The following STX3 variants were observed in gnomAD, a reference collection of about 807,000 sequenced individuals.
STX3 encodes the protein syntaxin-3.
In STX3, 19 loss-of-function variants were observed where a neutral mutation model predicts 40.2. The ratio of observed to expected loss-of-function variants is 0.47; its 90% CI spans 0.33 to 0.69. STX3 has a LOEUF of 0.69. Among genes scored for constraint, STX3 ranks in the 30% least tolerant of loss-of-function variants. The pLI, the probability that STX3 is intolerant of heterozygous loss-of-function variation, is 0.02. For synonymous variants in STX3, 122 were observed against 132.2 expected (o/e 0.92, Z 0.53); for missense variants, 364 against 366.7 (o/e 0.99, Z 0.06).
At chr11:59,793,287 G>A in intron 7 of STX3, 93 bp from the exon 8 acceptor site, 1 of 1,606,678 alleles carries the variant, frequency 6.2e-7, no homozygotes, top group South Asian at 1.1e-5. Flanking sequence ...AGTTCAGGGA[G>A]GCAAGGAGCT....
At chr11:59,757,521 G>C (rs761149675) in intron 1 of STX3, among the ~76,000 whole-genome samples, 2 of 152,060 alleles carry the variant, frequency 1.3e-5, no homozygotes, top group Non-Finnish European at 2.9e-5. Context: ...GCCTCTCCTC[G>C]GTGCCTCATG....
intron 9 of STX3, chr11:59,795,717 G>T (rs1373909036): frequency 6.5e-7 from 1 of 1,535,708 alleles, no homozygotes; most frequent in Admixed American, 2.0e-5. Context: ...CGGAGGGTGA[G>T]CACCTTCATC....
chr11:59,785,950 G>A (rs564741536), intron 2 of STX3, among the ~76,000 whole-genome samples: 40 of 152,266 alleles, frequency 2.6e-4, no homozygotes, highest in African/African-American at 9.1e-4. Context: ...CCTATGAAGC[G>A]GGGAGCTGAG....
chr11:59,777,388 T>C (rs948210661), intron 2 of STX3, among the ~76,000 whole-genome samples: 1 of 152,218 alleles, frequency 6.6e-6, no homozygotes, highest in African/African-American at 2.4e-5. Flanking sequence ...TGCAAAGTGA[T>C]GGGGAACCTT....
At chr11:59,776,312 T>C (rs1863961241) in intron 2 of STX3, among the ~76,000 whole-genome samples, 1 of 152,226 alleles carries the variant, frequency 6.6e-6, no homozygotes, top group Non-Finnish European at 1.5e-5. Context: ...TTGGATTTTA[T>C]GGATATAAAA....
At chr11:59,755,703 C>T in intron 1 of STX3, 68 bp downstream of exon 1, 1 of 1,485,488 alleles carries the variant, frequency 6.7e-7, no homozygotes, top group Non-Finnish European at 8.9e-7. Context: ...TCCCTTTGCT[C>T]CCCAAGTCGA....
chr11:59,758,326 G>A (rs1412147125), intron 1 of STX3, among the ~76,000 whole-genome samples: 1 of 152,172 alleles, frequency 6.6e-6, no homozygotes, highest in African/African-American at 2.4e-5. Flanking sequence ...GGAGATATAA[G>A]GCCTTCACCA....
chr11:59,760,810 G>A (rs1267859774), intron 1 of STX3, among the ~76,000 whole-genome samples: 1 of 152,240 alleles, frequency 6.6e-6, no homozygotes, highest in Middle Eastern at 3.2e-3. Context: ...TTGAACGTGT[G>A]TGTCTTGCTT....
intron 5 of STX3, 31 bp from the exon 6 acceptor site, chr11:59,792,076 G>A (rs768794519): frequency 1.3e-6 from 2 of 1,565,368 alleles, no homozygotes; most frequent in African/African-American, 2.7e-5. Context: ...AGAACCACTG[G>A]GGCCTGACTG....
intron 10 of STX3, among the ~76,000 whole-genome samples, chr11:59,799,036 TACACCAACACGCCA>T (rs1184579540): frequency 6.6e-6 from 1 of 152,176 alleles, no homozygotes; most frequent in Non-Finnish European, 1.5e-5. Context: ...ACTATAGGTG[TACACCAACACGCCA>T]AGATAACTTT....
intron 3 of STX3, among the ~76,000 whole-genome samples, chr11:59,787,804 C>T (rs958465189): frequency 6.6e-6 from 1 of 152,214 alleles, no homozygotes; most frequent in Non-Finnish European, 1.5e-5. Flanking sequence ...AAAATCCGTG[C>T]GTTCCACGGT....
chr11:59,755,666 G>A lies in STX3; in HGVS notation c.30+31G>A, dbSNP rs781579553. ...TTTCGCCGCAGGCGGGGTGCTGCCA[G>A]GAGGGGTGCTGCATGGGAGAGGGGC... is the stretch of plus-strand genomic sequence containing the variant. On this transcript the variant is annotated intron_variant, in intron 1 of 10. Coordinates refer to ENST00000337979, the MANE Select transcript of STX3 (RefSeq NM_004177.5). 8 of 1,589,622 alleles carry A rather than the reference G, an allele frequency of 5.0e-6. 1 individual carries two copies. Among genetic ancestry groups the A allele is most frequent in the Non-Finnish European group, 6.0e-6 (7 of 1,174,210 alleles).
chr11:59,755,687 G>C (rs774136409), intron 1 of STX3, 52 bp downstream of exon 1: 2 of 1,549,238 alleles, frequency 1.3e-6, no homozygotes, highest in Non-Finnish European at 1.7e-6. Flanking sequence ...GCATGGGAGA[G>C]GGGCTTCCCT....
chr11:59,758,692 C>G (rs1287009307), intron 1 of STX3, among the ~76,000 whole-genome samples: 4 of 152,200 alleles, frequency 2.6e-5, no homozygotes, highest in Non-Finnish European at 4.4e-5. Context: ...GACAGGCTTG[C>G]CAAGAATGTG....
chr11:59,793,161 T>C lies in STX3; in HGVS notation c.529T>C (p.Phe177Leu), dbSNP rs756278664. The C allele has an allele frequency of 1.2e-6, 2 of 1,613,278 alleles. No homozygotes were observed. The highest frequency in any genetic ancestry group is 1.7e-6 in the Non-Finnish European group (2 of 1,179,960). The change falls in exon 7 of 11, where the codon TTC becomes CTC. Residue 177 changes from phenylalanine (F) to leucine (L), a missense_variant. Phe to Leu is a conservative substitution (Grantham distance 22, BLOSUM62 0). Transcript: ENST00000337979. ...GTTGGAGAGTGGCAACCCGGCCATCTTCACTTCTGGGGTGAGTGCCCTGTG... is the reference window on the plus strand; with the variant it reads ...GTTGGAGAGTGGCAACCCGGCCATCCTCACTTCTGGGGTGAGTGCCCTGTG... ...EMLESGNPAI[F>L]TSGIIDSQIS...
chr11:59,768,798 A>G (rs77264356), intron 1 of STX3, among the ~76,000 whole-genome samples: 15,784 of 151,962 alleles, frequency 0.1, 1,147 homozygotes, highest in African/African-American at 0.2. Context: ...TGGGCAGGAG[A>G]CTGTTGTAAT....
chr11:59,774,592 G>A (rs777993143), intron 2 of STX3, among the ~76,000 whole-genome samples: 1 of 152,148 alleles, frequency 6.6e-6, no homozygotes, highest in Admixed American at 6.5e-5. Flanking sequence ...CAGCACTTTG[G>A]GGGGCCGAGG....
chr11:59,779,509 C>T (rs1007772186), intron 2 of STX3, among the ~76,000 whole-genome samples: 8 of 152,232 alleles, frequency 5.3e-5, no homozygotes, highest in Admixed American at 2.0e-4. Context: ...AGAGCACATT[C>T]AGTCCATAAG....
chr11:59,758,651 C>G (rs920241614), intron 1 of STX3, among the ~76,000 whole-genome samples: 10 of 152,220 alleles, frequency 6.6e-5, no homozygotes, highest in Admixed American at 5.9e-4. Context: ...CTGGTGGGCT[C>G]CCTCGACAGC....
Sources: allele counts gnomAD v4.1 joint callset (sites outside exome capture counted in the v4.1 genomes callset), GRCh38; gene constraint gnomAD v4.1.1; transcripts MANE v1.5; gene names NCBI Gene and HGNC (gene_info 2026-07-23, HGNC 2026-07-21).